ITGBL1: variants seen among roughly 807,000 people sequenced by gnomAD.
The protein encoded by ITGBL1 is integrin beta-like protein 1.
Under a neutral mutation model 68.5 loss-of-function variants are expected in ITGBL1, and 51 were observed. The observed-to-expected ratio is 0.74, with a 90% CI of 0.59 to 0.94. The LOEUF (loss-of-function observed/expected upper bound fraction) is 0.94. Ranked by LOEUF, ITGBL1 falls within the 40% of genes least tolerant of loss-of-function variation. The probability of loss-of-function intolerance (pLI) is 0.00; values close to 1 mark genes in which losing one functional copy is unlikely to be tolerated. For synonymous variants in ITGBL1, 209 were observed against 227.3 expected (o/e 0.92, Z 0.72); for missense variants, 649 against 647.4 (o/e 1.00, Z -0.03).
intron 7 of ITGBL1, among the ~76,000 whole-genome samples, chr13:101,604,920 G>A (rs74781331): frequency 1.6e-5 from 1 of 64,162 alleles, no homozygotes; most frequent in African/African-American, 4.9e-5. Flanking sequence ...GTGCATATAT[G>A]TGTGTATATA....
chr13:101,714,665 A>G lies in ITGBL1; in HGVS notation c.1393+114A>G, dbSNP rs191473135. ...ACCAACAGGGCCAACCGTGAATATGAAATATCTACCAAAGGCGAAGTGGGC... is the reference window on the plus strand; with the variant it reads ...ACCAACAGGGCCAACCGTGAATATGGAATATCTACCAAAGGCGAAGTGGGC... On this transcript the variant is annotated intron_variant, in intron 10 of 10. Coordinates refer to ENST00000376180, the MANE Select transcript of ITGBL1 (RefSeq NM_004791.3). The G allele has an allele frequency of 2.7e-3, 1,842 of 692,382 alleles. 63 individuals are homozygous for G. In the Admixed American group the frequency reaches 0.037, roughly 14 times the overall value. The allele number at this position is 692,382 out of a possible 1,614,324, so 42.9% of individuals were successfully genotyped here.
intron 2 of ITGBL1, among the ~76,000 whole-genome samples, chr13:101,506,165 G>C (rs1295421022): frequency 6.6e-6 from 1 of 152,178 alleles, no homozygotes; most frequent in African/African-American, 2.4e-5. Flanking sequence ...GTCCTAAAAT[G>C]TGAGAATGTA....
intron 7 of ITGBL1, among the ~76,000 whole-genome samples, chr13:101,681,613 G>A (rs2139528332): frequency 6.6e-6 from 1 of 152,282 alleles, no homozygotes; most frequent in Middle Eastern, 3.4e-3. Context: ...CTGCTGGTTT[G>A]AAACCTGTGT....
chr13:101,531,857 C>T (rs7995440), intron 2 of ITGBL1, among the ~76,000 whole-genome samples: 1,845 of 151,828 alleles, frequency 0.012, 33 homozygotes, highest in African/African-American at 0.042. Context: ...CCTCAGCCTC[C>T]CAAGTAGCTG....
chr13:101,705,541 G>A (rs1425415310), intron 8 of ITGBL1, among the ~76,000 whole-genome samples: 1 of 151,614 alleles, frequency 6.6e-6, no homozygotes, highest in Non-Finnish European at 1.5e-5. Flanking sequence ...AATTCTCACA[G>A]CCATCTATTT....
chr13:101,679,917 T>C (rs1237809205), intron 7 of ITGBL1, among the ~76,000 whole-genome samples: 1 of 152,214 alleles, frequency 6.6e-6, no homozygotes, highest in East Asian at 1.9e-4. Context: ...TTAAATGTCT[T>C]AGTTCCTCAC....
At chr13:101,496,203 C>G (rs998130955) in intron 2 of ITGBL1, among the ~76,000 whole-genome samples, 1 of 152,132 alleles carries the variant, frequency 6.6e-6, no homozygotes, top group African/African-American at 2.4e-5. Context: ...ATTTCACACT[C>G]CAATCCAATG....
intron 7 of ITGBL1, among the ~76,000 whole-genome samples, chr13:101,608,737 T>C (rs557002843): frequency 4.8e-4 from 73 of 152,182 alleles, no homozygotes; most frequent in Non-Finnish European, 8.8e-4. Flanking sequence ...TGATTCATTA[T>C]TTCTGCCAGT....
At chr13:101,585,168 A>C (rs1289702175) in intron 6 of ITGBL1, among the ~76,000 whole-genome samples, 1 of 152,154 alleles carries the variant, frequency 6.6e-6, no homozygotes, top group Non-Finnish European at 1.5e-5. Context: ...TAGGCAATAG[A>C]GTGCTGTCAT....
In ITGBL1 at chr13:101,603,923, A is replaced by T. The variant is rs563038608; in HGVS notation, c.1015+5624A>T. On this transcript the variant is annotated intron_variant, in intron 7 of 10. Coordinates refer to ENST00000376180, the MANE Select transcript of ITGBL1 (RefSeq NM_004791.3). Reference sequence around the variant, plus strand: ...GGGTGATCTGATATCTTAAAACATTATTTAAAGGGTTTACATTTGGTAAAA... The same window carrying T: ...GGGTGATCTGATATCTTAAAACATTTTTTAAAGGGTTTACATTTGGTAAAA... Among the ~76,000 whole-genome samples the T allele has an allele frequency of 2.0e-5, 3 of 152,092 alleles. 1 individual carries two copies. In the East Asian group the frequency reaches 5.8e-4, roughly 29 times the overall value.
chr13:101,527,788 A>G (rs1403325181), intron 2 of ITGBL1, among the ~76,000 whole-genome samples: 35 of 151,992 alleles, frequency 2.3e-4, no homozygotes, highest in Admixed American at 2.3e-3. Flanking sequence ...TATGTTTTGA[A>G]TATTTTCATA....
At chr13:101,664,444 G>A (rs28589375) in intron 7 of ITGBL1, among the ~76,000 whole-genome samples, 51,803 of 151,812 alleles carry the variant, frequency 0.34, 9,034 homozygotes, top group Admixed American at 0.39. Context: ...GGCAGCAATA[G>A]CTTTCTGAAA....
At chr13:101,654,357 CT>C (rs1362650744) in intron 7 of ITGBL1, among the ~76,000 whole-genome samples, 1 of 152,134 alleles carries the variant, frequency 6.6e-6, no homozygotes, top group Non-Finnish European at 1.5e-5. Flanking sequence ...TGGTGGATGC[CT>C]CCAGGGACCC....
chr13:101,706,844 GGAAGAACAAA>G lies in ITGBL1; in HGVS notation c.1223_1232del (p.Glu408AlafsTer114). 1.2e-6 allele frequency: 2 copies of G among 1,614,120 alleles called. No homozygotes were observed. Among genetic ancestry groups the G allele is most frequent in the Non-Finnish European group, 1.7e-6 (2 of 1,180,022 alleles). Reference sequence around the variant, plus strand: ...AACATCCGCGGAAGTGTAACATGACGGAAGAACAAAGCAAGAATCTGTGTGAATCAGCAGA... The same window carrying G: ...AACATCCGCGGAAGTGTAACATGACGGCAAGAATCTGTGTGAATCAGCAGA... On this transcript the variant is annotated frameshift_variant, in exon 9 of 11. Coordinates refer to ENST00000376180, the MANE Select transcript of ITGBL1 (RefSeq NM_004791.3). LOFTEE classifies it high-confidence loss of function.
chr13:101,565,970 TC>T (rs1247250030), intron 2 of ITGBL1, among the ~76,000 whole-genome samples: 1 of 152,116 alleles, frequency 6.6e-6, no homozygotes, highest in Non-Finnish European at 1.5e-5. Flanking sequence ...AAAAAGATGT[TC>T]CTTTGACCCA....
At chr13:101,532,315 A>T (rs971954642) in intron 2 of ITGBL1, among the ~76,000 whole-genome samples, 1 of 152,186 alleles carries the variant, frequency 6.6e-6, no homozygotes. Flanking sequence ...TCAGTACATT[A>T]TCTATCAAGT....
intron 7 of ITGBL1, among the ~76,000 whole-genome samples, chr13:101,611,306 G>A (rs943929120): frequency 6.6e-6 from 1 of 152,266 alleles, no homozygotes; most frequent in African/African-American, 2.4e-5. Context: ...TGAATTTAGC[G>A]AGATTCAAGT....
chr13:101,453,566 A>G (rs1164692754), intron 1 of ITGBL1, among the ~76,000 whole-genome samples: 1 of 152,246 alleles, frequency 6.6e-6, no homozygotes, highest in African/African-American at 2.4e-5. Flanking sequence ...TGTGCATATA[A>G]GATTTAGTGA....
At chr13:101,667,307 C>T (rs2033244809) in intron 7 of ITGBL1, among the ~76,000 whole-genome samples, 1 of 152,072 alleles carries the variant, frequency 6.6e-6, no homozygotes, top group African/African-American at 2.4e-5. Flanking sequence ...TCTATTTTAT[C>T]TCTGCCTATT....
Sources: gnomAD v4.1 joint callset for allele counts (sites outside exome capture counted in the v4.1 genomes callset) on GRCh38, gnomAD v4.1.1 for gene constraint, MANE v1.5 for transcripts, NCBI Gene and HGNC (gene_info 2026-07-23, HGNC 2026-07-21) for gene names.